Variants in SEZ6L observed in about 807,000 individuals in gnomAD.
The protein encoded by SEZ6L is seizure related 6 homolog like.
A neutral mutation model predicts 106.2 loss-of-function variants in SEZ6L; 37 were observed. The ratio of observed to expected loss-of-function variants is 0.35; its 90% CI spans 0.27 to 0.46. The LOEUF is 0.46. SEZ6L is among the 20% of genes least tolerant of loss of function. The pLI is 1.00. For missense variants in SEZ6L, 1,172 were observed against 1,332.8 expected, an observed-to-expected ratio of 0.88 and a Z score of 1.88; for synonymous variants, 541 against 570.4, an observed-to-expected ratio of 0.95 and a Z score of 0.73.
At chr22:26,373,420 A>G in intron 13 of SEZ6L, 31 bp from the exon 14 acceptor site, 2 of 1,594,778 alleles carry the variant, frequency 1.3e-6, no homozygotes, top group Non-Finnish European at 1.7e-6. Context: ...TTCACTTTAC[A>G]TTGACCAATG....
intron 1 of SEZ6L, among the ~76,000 whole-genome samples, chr22:26,227,194 G>T (rs2078659829): frequency 6.6e-6 from 1 of 152,170 alleles, no homozygotes; most frequent in South Asian, 2.1e-4. Context: ...GGTCTTTGGA[G>T]TCCTGCATAT....
intron 10 of SEZ6L, among the ~76,000 whole-genome samples, chr22:26,342,598 A>T (rs2082872959): frequency 1.3e-5 from 2 of 151,938 alleles, no homozygotes; most frequent in Non-Finnish European, 2.9e-5. Context: ...CGGGAGGCTG[A>T]GGCAGGAGAA....
In SEZ6L at chr22:26,381,837, A is replaced by G. The variant is rs1168182255; in HGVS notation, c.*1542A>G. 8.8e-6 allele frequency: 3 copies of G among 341,654 alleles called. No individual in the cohort carries two copies. Among genetic ancestry groups the G allele is most frequent in the Non-Finnish European group, 1.7e-5 (3 of 172,070 alleles). The allele number at this position is 341,654 out of a possible 1,614,324, so 21.2% of individuals were successfully genotyped here. A position where few individuals can be genotyped will look rare whatever the true frequency, so the allele number is the denominator to read the frequency against. ...TGGACAGACAGACGGGCACAGTGGC[A>G]TTTGGAACCCTCTTTGGTGCCCTCC... On this transcript the variant is annotated 3_prime_UTR_variant, in exon 17 of 17. Coordinates refer to ENST00000248933, the MANE Select transcript of SEZ6L (RefSeq NM_021115.5).
chr22:26,348,596 G>GAAAT (rs2083103922), intron 11 of SEZ6L, among the ~76,000 whole-genome samples: 1 of 67,674 alleles, frequency 1.5e-5, no homozygotes, highest in African/African-American at 8.9e-5. Context: ...GAGAAAGAAA[G>GAAAT]AAAGAAAGAA....
chr22:26,224,344 C>T (rs1258004889), intron 1 of SEZ6L, among the ~76,000 whole-genome samples: 1 of 152,178 alleles, frequency 6.6e-6, no homozygotes, highest in Non-Finnish European at 1.5e-5. Context: ...GTCAGCCTGG[C>T]AGGGCCTGGC....
At chr22:26,207,459 C>T (rs1941333451) in intron 1 of SEZ6L, among the ~76,000 whole-genome samples, 2 of 152,152 alleles carry the variant, frequency 1.3e-5, no homozygotes, top group South Asian at 2.1e-4. Flanking sequence ...AAATAATTCA[C>T]GTAAAGTACC....
At chr22:26,297,767 T>G (rs564487636) in intron 4 of SEZ6L, among the ~76,000 whole-genome samples, 2 of 151,964 alleles carry the variant, frequency 1.3e-5, no homozygotes, top group African/African-American at 4.8e-5. Flanking sequence ...CTTTGCTTGC[T>G]TGTTTTATTT....
intron 1 of SEZ6L, among the ~76,000 whole-genome samples, chr22:26,203,120 C>T (rs1941077960): frequency 6.6e-6 from 1 of 152,216 alleles, no homozygotes; most frequent in African/African-American, 2.4e-5. Context: ...GTGTTTCATT[C>T]ATGAATCATC....
At chr22:26,332,505 G>A (rs1251026244) in intron 9 of SEZ6L, among the ~76,000 whole-genome samples, 1 of 151,152 alleles carries the variant, frequency 6.6e-6, no homozygotes, top group Non-Finnish European at 1.5e-5. Flanking sequence ...GGAGTACAGT[G>A]GTGCAATCAA....
At position 26,333,660 on chromosome 22, in the gene SEZ6L, A is replaced by G. The variant is rs565148406; in HGVS notation, c.2016-6776A>G. 2.0e-5 allele frequency among the ~76,000 whole-genome samples: 3 copies of G among 152,236 alleles called. No homozygotes were observed. The East Asian group carries it at 5.8e-4, about 29-fold the overall frequency. ...GCTGAGCACTAGGGATACAGCCAGC[A>G]GTGAGTGAGACATGGGAGGGCCTCA... is the stretch of plus-strand genomic sequence containing the variant. On this transcript the variant is annotated intron_variant, in intron 9 of 16. Coordinates refer to ENST00000248933, the MANE Select transcript of SEZ6L (RefSeq NM_021115.5).
intron 13 of SEZ6L, among the ~76,000 whole-genome samples, chr22:26,369,347 T>G (rs1364926337): frequency 1.4e-4 from 11 of 76,412 alleles, no homozygotes; most frequent in Admixed American, 2.7e-4. Flanking sequence ...AGTTCTTTTG[T>G]TTTTTTTTTT....
chr22:26,211,172 C>A (rs2078146153), intron 1 of SEZ6L, among the ~76,000 whole-genome samples: 1 of 152,172 alleles, frequency 6.6e-6, no homozygotes, highest in South Asian at 2.1e-4. Context: ...TGGGAGCCAA[C>A]CGGGTCTGTA....
chr22:26,225,423 C>T (rs190160239), intron 1 of SEZ6L, among the ~76,000 whole-genome samples: 15 of 152,188 alleles, frequency 9.9e-5, no homozygotes, highest in African/African-American at 3.6e-4. Flanking sequence ...CTATTAGACT[C>T]GGATTGGCTG....
intron 3 of SEZ6L, among the ~76,000 whole-genome samples, chr22:26,294,705 C>G (rs191181569): frequency 7.1e-6 from 1 of 141,686 alleles, no homozygotes; most frequent in Non-Finnish European, 1.5e-5. Flanking sequence ...CATACACACA[C>G]GCATGCACGT....
chr22:26,211,183 C>G (rs759055454), intron 1 of SEZ6L, among the ~76,000 whole-genome samples: 1 of 152,202 alleles, frequency 6.6e-6, no homozygotes, highest in Non-Finnish European at 1.5e-5. Flanking sequence ...CGGGTCTGTA[C>G]TGTTGTGATG....
chr22:26,374,993 G>A (rs2084171224), intron 14 of SEZ6L, among the ~76,000 whole-genome samples: 1 of 152,150 alleles, frequency 6.6e-6, no homozygotes, highest in Non-Finnish European at 1.5e-5. Context: ...CTCGTGGACT[G>A]GAGAGTAGAA....
At position 26,373,576 on chromosome 22, in the gene SEZ6L, T is replaced by TA. The variant is rs145221453; in HGVS notation, c.2827+99dup. 2.2e-3 allele frequency: 2,092 copies of TA among 941,968 alleles called. 29 individuals are homozygous for TA. In the African/African-American group the frequency reaches 0.031, roughly 14 times the overall value. 58.4% of individuals were successfully genotyped at this position (941,968 alleles called of 1,614,324 possible). A position where few individuals can be genotyped will look rare whatever the true frequency, so the allele number is the denominator to read the frequency against. Reference sequence around the variant, plus strand: ...CTTTGAATATCTTTATTTAGACACTTAAAAAATAAATAAATTCTACCTTCA... The same window carrying TA: ...CTTTGAATATCTTTATTTAGACACTTAAAAAAATAAATAAATTCTACCTTCA... On this transcript the variant is annotated intron_variant, in intron 14 of 16. Transcript: ENST00000248933.
At chr22:26,350,230 T>TATATATATA (rs1294201857) in intron 11 of SEZ6L, among the ~76,000 whole-genome samples, 4 of 144,722 alleles carry the variant, frequency 2.8e-5, no homozygotes, top group African/African-American at 1.0e-4. Context: ...ATATATATAT[T>TATATATATA]TATATGTATT....
chr22:26,305,884 T>G, intron 5 of SEZ6L, 95 bp from the exon 6 acceptor site: 1 of 1,307,674 alleles, frequency 7.6e-7, no homozygotes, highest in Non-Finnish European at 1.1e-6. Context: ...AAACACTCAC[T>G]TCCTTCTCTC....
Sources: gnomAD v4.1 joint callset for allele counts (sites outside exome capture counted in the v4.1 genomes callset) on GRCh38, gnomAD v4.1.1 for gene constraint, MANE v1.5 for transcripts, NCBI Gene and HGNC (gene_info 2026-07-23, HGNC 2026-07-21) for gene names.